The following ACBD5 variants were observed in gnomAD, a reference collection of about 807,000 sequenced individuals.
ACBD5 encodes acyl-CoA-binding domain-containing protein 5.
Under a neutral mutation model 71.8 loss-of-function variants are expected in ACBD5, and 40 were observed. That is an observed-to-expected ratio of 0.56 (90% CI 0.43 to 0.72). The LOEUF is 0.72. Ranked by LOEUF, ACBD5 falls within the 30% of genes least tolerant of loss-of-function variation. The pLI is 0.00. For missense variants in ACBD5, 559 were observed against 644.5 expected, an observed-to-expected ratio of 0.87 and a Z score of 1.44; for synonymous variants, 229 against 218.6, an observed-to-expected ratio of 1.05 and a Z score of -0.42.
Position 27,195,559 on chromosome 10 carries a change from T to C in ACBD5, c.*1871A>G, listed in dbSNP as rs1396209737. 1 of 450,662 alleles carries C rather than the reference T, an allele frequency of 2.2e-6. No homozygotes were observed. Among genetic ancestry groups the C allele is most frequent in the East Asian group, 7.0e-5 (1 of 14,382 alleles). 27.9% of individuals were successfully genotyped at this position (450,662 alleles called of 1,614,324 possible). On this transcript the variant is annotated 3_prime_UTR_variant, in exon 13 of 13. Coordinates refer to ENST00000396271, the MANE Select transcript of ACBD5 (RefSeq NM_145698.5). Reference sequence around the variant, plus strand: ...ACTTTTTACTGATACCAAATTGATATCTCATTTTTGAAAATAATCTTTGAT... The same window carrying C: ...ACTTTTTACTGATACCAAATTGATACCTCATTTTTGAAAATAATCTTTGAT...
At chr10:27,198,864 A>G (rs2059619205) in intron 12 of ACBD5, among the ~76,000 whole-genome samples, 1 of 152,158 alleles carries the variant, frequency 6.6e-6, no homozygotes, top group African/African-American at 2.4e-5. Flanking sequence ...TAATCCCAGC[A>G]CTTTGGGAGG....
intron 9 of ACBD5, among the ~76,000 whole-genome samples, chr10:27,209,860 C>A (rs1618826): frequency 5.3e-5 from 8 of 152,022 alleles, no homozygotes; most frequent in Admixed American, 2.0e-4. Flanking sequence ...CATAAATTCC[C>A]TAGTTAGGTT....
chr10:27,221,328 C>T (rs1482270716), intron 5 of ACBD5, among the ~76,000 whole-genome samples: 1 of 152,040 alleles, frequency 6.6e-6, no homozygotes, highest in African/African-American at 2.4e-5. Flanking sequence ...CTCAAAATAC[C>T]CTCGTTTTAC....
intron 2 of ACBD5, among the ~76,000 whole-genome samples, chr10:27,239,065 C>T (rs917325243): frequency 7.9e-5 from 12 of 152,100 alleles, no homozygotes; most frequent in African/African-American, 1.9e-4. Context: ...GGCATGGTGA[C>T]GCACGGGTGT....
At chr10:27,185,116 G>A (rs2058599370) in intron 13 of ACBD5, among the ~76,000 whole-genome samples, 1 of 152,170 alleles carries the variant, frequency 6.6e-6, no homozygotes, top group Non-Finnish European at 1.5e-5. Context: ...TCACCATGAA[G>A]GATAAGGATG....
intron 4 of ACBD5, among the ~76,000 whole-genome samples, chr10:27,230,260 C>T (rs1168301957): frequency 6.7e-6 from 1 of 149,898 alleles, no homozygotes; most frequent in Non-Finnish European, 1.5e-5. Flanking sequence ...ATAAAAACTG[C>T]AAGAATGTAA....
At chr10:27,191,870 G>A (rs1044921364), downstream of ACBD5, among the ~76,000 whole-genome samples, 1 of 151,178 alleles carries the variant, frequency 6.6e-6, no homozygotes, top group East Asian at 1.9e-4. Context: ...CCTGGGTGAC[G>A]AGAGGGAAAC....
chr10:27,195,175 TA>T (rs1210481934), downstream of ACBD5: 1 of 353,284 alleles, frequency 2.8e-6, no homozygotes, highest in Non-Finnish European at 5.4e-6. Flanking sequence ...AATTCTTACC[TA>T]ATCAATGGGC....
intron 4 of ACBD5, among the ~76,000 whole-genome samples, chr10:27,230,611 A>G (rs1425826598): frequency 6.6e-6 from 1 of 152,120 alleles, no homozygotes; most frequent in Non-Finnish European, 1.5e-5. Flanking sequence ...AGCCTGGCCA[A>G]CATCGTGAAA....
Position 27,229,458 on chromosome 10 carries a change from G to A in ACBD5, c.375+2290C>T, listed in dbSNP as rs534228706. On this transcript the variant is annotated intron_variant, in intron 4 of 12. Coordinates refer to ENST00000396271, the MANE Select transcript of ACBD5 (RefSeq NM_145698.5). ...ATACTAAAAATTAGCTGGGCGTGAC[G>A]GCATGCCTCTGTAATCCCAGCTACT... Among the ~76,000 whole-genome samples, 439 of 151,804 alleles carry A rather than the reference G, an allele frequency of 2.9e-3. 1 individual carries two copies. The highest frequency in any genetic ancestry group is 4.3e-3 in the Non-Finnish European group (289 of 67,938).
downstream of ACBD5, among the ~76,000 whole-genome samples, chr10:27,190,730 G>A (rs1336895555): frequency 1.3e-5 from 2 of 152,228 alleles, no homozygotes; most frequent in African/African-American, 4.8e-5. Context: ...TGTGGAAAGT[G>A]TATTGTACGG....
intron 8 of ACBD5, among the ~76,000 whole-genome samples, chr10:27,213,515 T>C (rs2061324420): frequency 6.6e-6 from 1 of 152,122 alleles, no homozygotes; most frequent in Admixed American, 6.6e-5. Flanking sequence ...CCCAGCACTT[T>C]GGGAGGCCAA....
At chr10:27,188,830 C>T (rs1290059621) in intron 13 of ACBD5, among the ~76,000 whole-genome samples, 2 of 152,172 alleles carry the variant, frequency 1.3e-5, no homozygotes, top group African/African-American at 4.8e-5. Context: ...GTTTTGACAG[C>T]TGATGTATAT....
intron 3 of ACBD5, among the ~76,000 whole-genome samples, chr10:27,232,975 T>A (rs938934304): frequency 6.6e-6 from 1 of 152,142 alleles, no homozygotes; most frequent in African/African-American, 2.4e-5. Flanking sequence ...TATGAAATAA[T>A]AACATATTAC....
At chr10:27,230,966 T>A (rs2063784789) in intron 4 of ACBD5, among the ~76,000 whole-genome samples, 1 of 152,158 alleles carries the variant, frequency 6.6e-6, no homozygotes, top group African/African-American at 2.4e-5. Context: ...TTATTCTGCT[T>A]CTGAAGGATC....
chr10:27,230,098 T>TAAA (rs11375772), intron 4 of ACBD5, among the ~76,000 whole-genome samples: 1 of 143,972 alleles, frequency 6.9e-6, no homozygotes, highest in South Asian at 2.1e-4. Flanking sequence ...AAATTTAAGG[T>TAAA]AAAAAAAAAA....
At chr10:27,184,133 A>G (rs1485174331) in intron 13 of ACBD5, among the ~76,000 whole-genome samples, 1 of 152,220 alleles carries the variant, frequency 6.6e-6, no homozygotes, top group Non-Finnish European at 1.5e-5. Flanking sequence ...GTCCTCGTGG[A>G]ACTTACATTC....
At chr10:27,235,038 G>T in intron 3 of ACBD5, 54 bp downstream of exon 3, 1 of 1,553,470 alleles carries the variant, frequency 6.4e-7, no homozygotes, top group South Asian at 1.1e-5. Flanking sequence ...ATAGCCATAT[G>T]ATAATTATGT....
chr10:27,215,700 T>G, intron 7 of ACBD5, 59 bp from the exon 8 acceptor site: 1 of 1,267,530 alleles, frequency 7.9e-7, no homozygotes, highest in East Asian at 2.5e-5. Context: ...AAAAACAAAT[T>G]TATTCCTTTG....
Sources: gnomAD v4.1 joint callset for allele counts (sites outside exome capture counted in the v4.1 genomes callset) on GRCh38, gnomAD v4.1.1 for gene constraint, MANE v1.5 for transcripts, NCBI Gene and HGNC (gene_info 2026-07-23, HGNC 2026-07-21) for gene names.